Variants in RGS17 observed in about 807,000 individuals in gnomAD.
RGS17 encodes regulator of G-protein signaling 17.
RGS17 carries 12 observed loss-of-function variants against 25.5 expected under a neutral mutation model. The ratio of observed to expected loss-of-function variants is 0.47; its 90% CI spans 0.30 to 0.76. The LOEUF is 0.76. Ranked by LOEUF, RGS17 falls within the 30% of genes least tolerant of loss-of-function variation. RGS17 has a pLI of 0.07. For synonymous variants in RGS17, 71 were observed against 76.9 expected (o/e 0.92, Z 0.40); for missense variants, 196 against 242.2 (o/e 0.81, Z 1.27).
At chr6:153,123,022 TAATA>T (rs1777658615) in intron 1 of RGS17, among the ~76,000 whole-genome samples, 1 of 138,562 alleles carries the variant, frequency 7.2e-6, no homozygotes, top group African/African-American at 2.7e-5. Context: ...TTGGAGTATT[TAATA>T]CTCCAATGTA....
At position 153,015,923 on chromosome 6, in the gene RGS17, G is replaced by A. The variant is rs369818116; in HGVS notation, c.445-4161C>T. 7.3e-4 allele frequency among the ~76,000 whole-genome samples: 111 copies of A among 152,258 alleles called. 1 individual carries two copies. Among genetic ancestry groups the A allele is most frequent in the African/African-American group, 2.4e-3 (100 of 41,546 alleles). On this transcript the variant is annotated intron_variant, in intron 4 of 4. Transcript: ENST00000206262. Reference sequence around the variant, plus strand: ...CTGCCTCGGCCTCCCAAAGTGCTGGGATTACAGGTGTGAGCCACCGCGCCC... The same window carrying A: ...CTGCCTCGGCCTCCCAAAGTGCTGGAATTACAGGTGTGAGCCACCGCGCCC...
At chr6:153,122,355 T>C (rs1584168439) in intron 1 of RGS17, among the ~76,000 whole-genome samples, 2 of 152,192 alleles carry the variant, frequency 1.3e-5, no homozygotes, top group Admixed American at 6.5e-5. Flanking sequence ...TTGTTTGGTT[T>C]TGAGTACTCA....
intron 2 of RGS17, among the ~76,000 whole-genome samples, chr6:153,030,545 C>T (rs537865586): frequency 2.0e-5 from 3 of 152,244 alleles, no homozygotes; most frequent in African/African-American, 7.2e-5. Flanking sequence ...TAAAAGCAGT[C>T]TATTCAATAT....
chr6:153,070,901 A>G (rs545305222), intron 1 of RGS17, among the ~76,000 whole-genome samples: 9 of 150,288 alleles, frequency 6.0e-5, no homozygotes, highest in Non-Finnish European at 1.3e-4. Context: ...ACATATGCGT[A>G]TATGTACATA....
At chr6:153,031,188 T>C (rs1779359056) in intron 2 of RGS17, among the ~76,000 whole-genome samples, 1 of 152,204 alleles carries the variant, frequency 6.6e-6, no homozygotes, top group Non-Finnish European at 1.5e-5. Flanking sequence ...ATGTAGAATA[T>C]ACCTCCTTTA....
At chr6:153,044,869 C>A (rs1426832142) in intron 1 of RGS17, among the ~76,000 whole-genome samples, 1 of 152,126 alleles carries the variant, frequency 6.6e-6, no homozygotes, top group African/African-American at 2.4e-5. Flanking sequence ...TAAGACTGTA[C>A]TGAGGATTAA....
At chr6:153,104,165 G>C (rs1777346151) in intron 1 of RGS17, among the ~76,000 whole-genome samples, 2 of 152,204 alleles carry the variant, frequency 1.3e-5, no homozygotes, top group Admixed American at 1.3e-4. Flanking sequence ...ATCCATATCT[G>C]TTTGACGATT....
At chr6:153,020,106 AAAAAAATATATATATAT>A (rs1260450602) in intron 4 of RGS17, among the ~76,000 whole-genome samples, 3 of 32,766 alleles carry the variant, frequency 9.2e-5, no homozygotes, top group African/African-American at 3.5e-4. Context: ...ATCTTAAAAA[AAAAAAATATATATATAT>A]ATATATATAT....
chr6:153,051,635 G>T (rs1776462588), intron 1 of RGS17, among the ~76,000 whole-genome samples: 1 of 152,096 alleles, frequency 6.6e-6, no homozygotes, highest in Non-Finnish European at 1.5e-5. Context: ...TTTAGCTGAG[G>T]ATATTTCTCA....
intron 1 of RGS17, among the ~76,000 whole-genome samples, chr6:153,082,364 C>T (rs148538597): frequency 0.018 from 2,706 of 152,180 alleles, 39 homozygotes; most frequent in Middle Eastern, 0.054. Flanking sequence ...CAGCTTGACA[C>T]GGAGGCTGTG....
rs911546563 is a variant in RGS17 at position 153,130,250 on chromosome 6, G to A, written c.-26+874C>T. On this transcript the variant is annotated intron_variant, in intron 1 of 4. Coordinates refer to ENST00000206262, the MANE Select transcript of RGS17 (RefSeq NM_012419.5). The surrounding 1 kb of genome is among the most constrained non-coding windows in gnomAD (Gnocchi z 6.4). ...CAGCAGGGAGGCTGGCGGGGAGGCAGAGATTAAACTATGATTCCATCGATC... is the reference window on the plus strand; with the variant it reads ...CAGCAGGGAGGCTGGCGGGGAGGCAAAGATTAAACTATGATTCCATCGATC... Among the ~76,000 whole-genome samples, 2 of 152,210 alleles carry A rather than the reference G, an allele frequency of 1.3e-5. No individual in the cohort carries two copies. The highest frequency in any genetic ancestry group is 4.8e-5 in the African/African-American group (2 of 41,464).
chr6:153,020,107 A>ATATATATAT lies in RGS17; in HGVS notation c.444+4154_444+4155insATATATATA, dbSNP rs1205305073. Among the ~76,000 whole-genome samples the ATATATATAT allele has an allele frequency of 1.7e-3, 79 of 47,826 alleles. 3 individuals are homozygous for ATATATATAT. Among genetic ancestry groups the ATATATATAT allele is most frequent in the South Asian group, 7.9e-3 (10 of 1,260 alleles). 31.4% of individuals were successfully genotyped at this position (47,826 alleles called of 152,430 possible). A position where few individuals can be genotyped will look rare whatever the true frequency, so the allele number is the denominator to read the frequency against. ...TCCTAATTGCAAATATCTTAAAAAA[A>ATATATATAT]AAAAATATATATATATATATATATA... is the stretch of plus-strand genomic sequence containing the variant. On this transcript the variant is annotated intron_variant, in intron 4 of 4. Coordinates refer to ENST00000206262, the MANE Select transcript of RGS17 (RefSeq NM_012419.5).
chr6:153,066,838 G>A (rs1446949895), intron 1 of RGS17, among the ~76,000 whole-genome samples: 1 of 152,066 alleles, frequency 6.6e-6, no homozygotes, highest in African/African-American at 2.4e-5. Context: ...TCAGGAGATC[G>A]AGACCATCCT....
chr6:153,109,266 T>C (rs1777431534), intron 1 of RGS17, among the ~76,000 whole-genome samples: 1 of 152,218 alleles, frequency 6.6e-6, no homozygotes, highest in Admixed American at 6.5e-5. Context: ...AAGAGACGAG[T>C]GTATATTAAA....
At chr6:153,113,608 C>A (rs1288713600) in intron 1 of RGS17, among the ~76,000 whole-genome samples, 1 of 152,142 alleles carries the variant, frequency 6.6e-6, no homozygotes, top group African/African-American at 2.4e-5. Context: ...ACTCTCCACC[C>A]CAAATCAACA....
At chr6:153,127,363 G>A (rs1193304520) in intron 1 of RGS17, among the ~76,000 whole-genome samples, 3 of 152,208 alleles carry the variant, frequency 2.0e-5, no homozygotes, top group Non-Finnish European at 4.4e-5. Flanking sequence ...GGTAAACCAT[G>A]CTGTGTTTTC....
At chr6:153,068,653 T>C (rs1220720708) in intron 1 of RGS17, among the ~76,000 whole-genome samples, 2 of 152,074 alleles carry the variant, frequency 1.3e-5, no homozygotes, top group African/African-American at 4.8e-5. Context: ...ACAATCAACA[T>C]AGTGAAACGA....
intron 1 of RGS17, among the ~76,000 whole-genome samples, chr6:153,050,981 T>C (rs567626336): frequency 7.2e-5 from 11 of 152,012 alleles, no homozygotes; most frequent in Non-Finnish European, 1.3e-4. Flanking sequence ...GGACAGAGAG[T>C]TGGTTCTTCT....
chr6:153,121,348 T>C (rs759892173), intron 1 of RGS17, among the ~76,000 whole-genome samples: 2 of 152,160 alleles, frequency 1.3e-5, no homozygotes, highest in Middle Eastern at 3.2e-3. Flanking sequence ...ACATAACCTA[T>C]TTCTTTTTCC....
Sources: gnomAD v4.1 joint callset for allele counts (sites outside exome capture counted in the v4.1 genomes callset) on GRCh38, gnomAD v4.1.1 for gene constraint, Gnocchi (gnomAD v3.1) non-coding constraint, MANE v1.5 for transcripts, NCBI Gene and HGNC (gene_info 2026-07-23, HGNC 2026-07-21) for gene names.